TP53BP1: variants seen among roughly 807,000 people sequenced by gnomAD.
TP53BP1 encodes the protein tumor protein p53 binding protein 1, also known as TP53-binding protein 1.
In TP53BP1, 61 loss-of-function variants were observed where a neutral mutation model predicts 200.8. The ratio of observed to expected loss-of-function variants is 0.30; its 90% CI spans 0.25 to 0.38. The LOEUF (loss-of-function observed/expected upper bound fraction) is 0.38. TP53BP1 is among the 10% of genes least tolerant of loss of function. The pLI is 1.00. For missense variants in TP53BP1, 2,144 were observed against 2,371.9 expected (o/e 0.90, Z 2.00); for synonymous variants, 822 against 844.3 (o/e 0.97, Z 0.46).
intron 18 of TP53BP1, 109 bp from the exon 19 acceptor site, chr15:43,422,235 G>T: frequency 8.1e-7 from 1 of 1,235,380 alleles, no homozygotes; most frequent in Non-Finnish European, 1.1e-6. Context: ...TCAAAAAGGT[G>T]AGAATCAGGA....
At chr15:43,469,279 T>C (rs1297488637) in intron 11 of TP53BP1, among the ~76,000 whole-genome samples, 3 of 152,184 alleles carry the variant, frequency 2.0e-5, no homozygotes, top group Non-Finnish European at 2.9e-5. Context: ...AAAACCATCT[T>C]GATACCCTAA....
chr15:43,413,266 G>C lies in TP53BP1; in HGVS notation c.5158C>G (p.Leu1720Val), dbSNP rs745537095. ...SGDNTGEPSA[L>V]EEQRGPLPLN... ...GGCAAAGGCCCTCTCTGCTCTTCCA[G>C]GGCAGAGGGTTCACCGGTGTTGTCT... The change falls in exon 24 of 28, where the codon CTG becomes GTG. Residue 1720 changes from leucine (L) to valine (V), a missense_variant. Leu to Val is a conservative substitution (Grantham distance 32). Transcript: ENST00000382044. 3.1e-6 allele frequency: 5 copies of C among 1,614,178 alleles called. No individual in the cohort carries two copies. The Admixed American group carries it at 8.3e-5, about 27-fold the overall frequency.
At position 43,422,273 on chromosome 15, in the gene TP53BP1, G is replaced by A. The variant is rs141673945; in HGVS notation, c.3829-147C>T. On this transcript the variant is annotated intron_variant, in intron 18 of 27. Transcript: ENST00000382044. Reference sequence around the variant, plus strand: ...CTTTCTGGAATAATGGGAATGTTCTGTATCTGTTTTGAGTAGTGGTTAGAT... The same window carrying A: ...CTTTCTGGAATAATGGGAATGTTCTATATCTGTTTTGAGTAGTGGTTAGAT... The A allele has an allele frequency of 6.3e-4, 633 of 1,006,330 alleles. 12 individuals are homozygous for A. In the East Asian group the frequency reaches 0.016, roughly 26 times the overall value. The allele number at this position is 1,006,330 out of a possible 1,614,324, so 62.3% of individuals were successfully genotyped here. A position where few individuals can be genotyped will look rare whatever the true frequency, so the allele number is the denominator to read the frequency against.
At chr15:43,447,062 C>T (rs2046058286) in intron 13 of TP53BP1, 1 of 466,340 alleles carries the variant, frequency 2.1e-6, no homozygotes, top group South Asian at 1.9e-5. Flanking sequence ...CTGTTCCATC[C>T]TTATAAAACA....
rs774605101 is a variant in TP53BP1, at chr15:43,456,725, G to C, written c.1883C>G (p.Ser628Trp). 2 of 1,614,008 alleles carry C rather than the reference G, an allele frequency of 1.2e-6. No individual in the cohort carries two copies. Among genetic ancestry groups the C allele is most frequent in the South Asian group, 2.2e-5 (2 of 91,080 alleles). ...TGGTGACGGAACTGCCTGACTCCCC[G>C]AATCACAAGTGAGATCAATACAAAC... is the stretch of plus-strand genomic sequence containing the variant. Reference protein sequence around the residue: ...EDVCIDLTCDSGSQAVPSPAT... With the variant: ...EDVCIDLTCDWGSQAVPSPAT... The change falls in exon 12 of 28, where the codon TCG becomes TGG. Residue 628 changes from serine (S) to tryptophan (W), a missense_variant. This residue lies in a region of TP53BP1 where 1,700 missense variants were observed against 1,710.3 expected (regional missense o/e 0.99). Transcript: ENST00000382044.
intron 2 of TP53BP1, 39 bp from the exon 3 acceptor site, chr15:43,492,134 A>T: frequency 1.3e-6 from 2 of 1,540,038 alleles, no homozygotes; most frequent in African/African-American, 2.7e-5. Flanking sequence ...ATTATATATG[A>T]AATAGTTCAA....
chr15:43,489,482 CAT>C (rs1488476589), intron 4 of TP53BP1, among the ~76,000 whole-genome samples: 1 of 152,168 alleles, frequency 6.6e-6, no homozygotes, highest in Non-Finnish European at 1.5e-5. Context: ...AGCAAGATAA[CAT>C]AGATGAGTGA....
Position 43,479,440 on chromosome 15 carries a change from T to C in TP53BP1, c.745A>G (p.Lys249Glu), listed in dbSNP as rs1370330729. Residue 249 changes from lysine to glutamate, a missense_variant, in exon 7 of 28, where the codon AAG (lysine) becomes GAG (glutamate). Physicochemically the swap from Lys to Glu is moderately conservative, Grantham distance 56. Coordinates refer to ENST00000382044, the MANE Select transcript of TP53BP1 (RefSeq NM_001141980.3). ...TGCTCTTTTACAACATGTACATCCT[T>C]ACTGGGCTGTGCTGTCACAGGGATG... ...KDIPVTAQPS[K>E]DVHVVKEQNP... The C allele has an allele frequency of 6.2e-7, 1 of 1,613,584 alleles. No individual in the cohort carries two copies. Among genetic ancestry groups the C allele is most frequent in the South Asian group, 1.1e-5 (1 of 90,980 alleles).
chr15:43,491,460 G>T (rs533967211), intron 4 of TP53BP1, among the ~76,000 whole-genome samples: 2 of 152,206 alleles, frequency 1.3e-5, no homozygotes, highest in South Asian at 4.2e-4. Flanking sequence ...ATCATGATTT[G>T]AATAATGTAG....
rs1234346272 is a variant in TP53BP1 at position 43,405,357 on chromosome 15, T to C, written c.*2026A>G. On this transcript the variant is annotated 3_prime_UTR_variant, in exon 28 of 28. Coordinates refer to ENST00000382044, the MANE Select transcript of TP53BP1 (RefSeq NM_001141980.3). The stretch of plus-strand genomic sequence containing the variant: ...TACCTTTTCTCCTAGAAGCAGTTAC[T>C]GAACATCCAGGAGTACAACTCCTTC... The C allele has an allele frequency of 2.2e-6, 2 of 915,898 alleles. No individual in the cohort carries two copies. Among genetic ancestry groups the C allele is most frequent in the East Asian group, 2.6e-5 (1 of 38,340 alleles). The allele number at this position is 915,898 out of a possible 1,614,324, so 56.7% of individuals were successfully genotyped here.
intron 19 of TP53BP1, chr15:43,421,598 A>C (rs1207204306): frequency 1.8e-6 from 1 of 568,270 alleles, no homozygotes; most frequent in African/African-American, 1.9e-5. Flanking sequence ...CAGATGATAA[A>C]TTCCCGAAAG....
At chr15:43,433,457 G>A (rs974970930) in intron 16 of TP53BP1, among the ~76,000 whole-genome samples, 1 of 152,106 alleles carries the variant, frequency 6.6e-6, no homozygotes, top group Admixed American at 6.6e-5. Context: ...AAACGTCCAG[G>A]CTAACTCCAA....
chr15:43,407,378 T>C lies in TP53BP1; in HGVS notation c.*5A>G. The stretch of plus-strand genomic sequence containing the variant: ...AGGGAATAAAACCAGTAAGACCAAG[T>C]ATCTTTAGTGAGAAACATAATCGTG... On this transcript the variant is annotated 3_prime_UTR_variant, in exon 28 of 28. Transcript: ENST00000382044. 3 of 1,613,692 alleles carry C rather than the reference T, an allele frequency of 1.9e-6. No homozygotes were observed. Among genetic ancestry groups the C allele is most frequent in the Non-Finnish European group, 2.5e-6 (3 of 1,179,634 alleles).
chr15:43,476,577 TG>T (rs1160661444), intron 8 of TP53BP1, among the ~76,000 whole-genome samples: 1 of 152,230 alleles, frequency 6.6e-6, no homozygotes, highest in Non-Finnish European at 1.5e-5. Flanking sequence ...TAGCAATAGA[TG>T]GAGTATCAAC....
rs953802951 is a variant in TP53BP1, at chr15:43,406,424, G to A, written c.*959C>T. On this transcript the variant is annotated 3_prime_UTR_variant, in exon 28 of 28. Coordinates refer to ENST00000382044, the MANE Select transcript of TP53BP1 (RefSeq NM_001141980.3). ...CTTTCTACTGCTGTCTCTGGAGCAG[G>A]AGCTGGCAAACTATGGCCTGCTGTC... is the stretch of plus-strand genomic sequence containing the variant. 6 of 346,302 alleles carry A rather than the reference G, an allele frequency of 1.7e-5. No homozygotes were observed. The highest frequency in any genetic ancestry group is 1.1e-4 in the Admixed American group (3 of 27,416). 21.5% of individuals were successfully genotyped at this position (346,302 alleles called of 1,614,324 possible). A position where few individuals can be genotyped will look rare whatever the true frequency, so the allele number is the denominator to read the frequency against.
rs1477421166 is a variant in TP53BP1 at position 43,446,408 on chromosome 15, A to G, written c.3019T>C (p.Ser1007Pro). 1.2e-6 allele frequency: 2 copies of G among 1,613,958 alleles called. No homozygotes were observed. The highest frequency in any genetic ancestry group is 1.7e-6 in the Non-Finnish European group (2 of 1,180,014). Reference protein sequence around the residue: ...VSPETEASEESLQFNLEKPAT... With the variant: ...VSPETEASEEPLQFNLEKPAT... ...TTACTTTCCAGGTTGAACTGCAAAG[A>G]CTCTTCACTCGCCTCAGTCTCAGGA... is the stretch of plus-strand genomic sequence containing the variant. Residue 1007 changes from serine to proline, a missense_variant, in exon 14 of 28, where the codon TCT (serine) becomes CCT (proline). Transcript: ENST00000382044.
At chr15:43,408,549 C>T in intron 26 of TP53BP1, 3 of 313,310 alleles carry the variant, frequency 9.6e-6, no homozygotes, top group Non-Finnish European at 1.8e-5. Flanking sequence ...GTATTCCTTG[C>T]ATTCCTGGCT....
chr15:43,488,414 G>T (rs1246932664), intron 4 of TP53BP1, among the ~76,000 whole-genome samples: 1 of 152,158 alleles, frequency 6.6e-6, no homozygotes, highest in East Asian at 1.9e-4. Flanking sequence ...AGGGGTTTGG[G>T]TGCAAAAGAC....
intron 14 of TP53BP1, among the ~76,000 whole-genome samples, chr15:43,444,871 T>C (rs899972231): frequency 6.6e-6 from 1 of 152,196 alleles, no homozygotes; most frequent in Non-Finnish European, 1.5e-5. Context: ...TCGTCTTTAA[T>C]CTATGCCTCC....
Sources: allele counts gnomAD v4.1 joint callset (sites outside exome capture counted in the v4.1 genomes callset), GRCh38; gene constraint gnomAD v4.1.1; regional missense constraint gnomAD v4.1.1; transcripts MANE v1.5; gene names NCBI Gene and HGNC (gene_info 2026-07-23, HGNC 2026-07-21).